OSBPL9: variants seen among roughly 807,000 people sequenced by gnomAD.
OSBPL9 encodes the protein oxysterol-binding protein-related protein 9.
A neutral mutation model predicts 106.6 loss-of-function variants in OSBPL9; 40 were observed. That is an observed-to-expected ratio of 0.38 (90% CI 0.29 to 0.49). The LOEUF (loss-of-function observed/expected upper bound fraction) is 0.49, where lower values mean the gene tolerates loss of function less well. OSBPL9 is among the 20% of genes least tolerant of loss of function. The pLI is 0.97. For missense variants in OSBPL9, 609 were observed against 887.2 expected, an observed-to-expected ratio of 0.69 and a Z score of 3.98; for synonymous variants, 269 against 295.4, an observed-to-expected ratio of 0.91 and a Z score of 0.92.
At chr1:51,600,539 T>A (rs955116751) in intron 2 of OSBPL9, among the ~76,000 whole-genome samples, 1 of 152,194 alleles carries the variant, frequency 6.6e-6, no homozygotes, top group Non-Finnish European at 1.5e-5. Flanking sequence ...TTTTTTCTTC[T>A]GGTTTTAAAA....
At chr1:51,594,616 T>C (rs978259475) in intron 1 of OSBPL9, among the ~76,000 whole-genome samples, 1 of 152,148 alleles carries the variant, frequency 6.6e-6, no homozygotes. Flanking sequence ...AATTTAACAC[T>C]CTGAACAATC....
chr1:51,678,217 T>A (rs923959243), intron 3 of OSBPL9, among the ~76,000 whole-genome samples: 3 of 152,034 alleles, frequency 2.0e-5, no homozygotes, highest in East Asian at 3.9e-4. Flanking sequence ...ATGAAATTGG[T>A]TTACAAATTT....
chr1:51,541,434 A>G, the OSBPL9 span, among the ~76,000 whole-genome samples: 2 of 152,158 alleles, frequency 1.3e-5, no homozygotes, highest in Non-Finnish European at 2.9e-5. Flanking sequence ...CTCTCTTTAC[A>G]TCCTGTTAGT....
chr1:51,784,404 T>TA (rs1210069001), intron 19 of OSBPL9, 38 bp from the exon 20 acceptor site: 3 of 1,612,220 alleles, frequency 1.9e-6, no homozygotes, highest in Non-Finnish European at 2.5e-6. Flanking sequence ...CTCTTCCTCT[T>TA]AACTGTCAAC....
Position 51,750,290 on chromosome 1 carries a change from A to C in OSBPL9, c.543+95A>C. 7 of 769,072 alleles carry C rather than the reference A, an allele frequency of 9.1e-6. No homozygotes were observed. In the South Asian group the frequency reaches 1.2e-4, roughly 13 times the overall value. 47.6% of individuals were successfully genotyped at this position (769,072 alleles called of 1,614,324 possible). Reference sequence around the variant, plus strand: ...TAGCAAAAAAACTCAGATCTGAAACATAGTACCTTTCTACATTAAACTGTA... The same window carrying C: ...TAGCAAAAAAACTCAGATCTGAAACCTAGTACCTTTCTACATTAAACTGTA... On this transcript the variant is annotated intron_variant, in intron 8 of 23. Transcript: ENST00000428468.
At chr1:51,723,195 G>C (rs1397154563) in intron 4 of OSBPL9, among the ~76,000 whole-genome samples, 2 of 152,124 alleles carry the variant, frequency 1.3e-5, no homozygotes, top group African/African-American at 4.8e-5. Context: ...GTCCACTCTT[G>C]GTGTTGTGTA....
the OSBPL9 span, among the ~76,000 whole-genome samples, chr1:51,562,279 G>A: frequency 1.3e-5 from 2 of 151,958 alleles, no homozygotes; most frequent in Non-Finnish European, 2.9e-5. Context: ...CATGATATCT[G>A]GTTACTTTTA....
chr1:51,648,259 C>T (rs2148695784), intron 1 of OSBPL9, among the ~76,000 whole-genome samples: 1 of 152,306 alleles, frequency 6.6e-6, no homozygotes, highest in South Asian at 2.1e-4. Flanking sequence ...TGGTGAATGG[C>T]ATTGGCTTAG....
At chr1:51,569,954 A>C in the OSBPL9 span, among the ~76,000 whole-genome samples, 1 of 152,202 alleles carries the variant, frequency 6.6e-6, no homozygotes, top group Non-Finnish European at 1.5e-5. Context: ...AGTCATAAGG[A>C]GGTGAGTCAC....
chr1:51,562,969 G>A, the OSBPL9 span, among the ~76,000 whole-genome samples: 326 of 152,244 alleles, frequency 2.1e-3, no homozygotes, highest in Non-Finnish European at 3.9e-3. Context: ...AGCACTTTGG[G>A]AGGCAAAGGC....
At chr1:51,741,248 A>G (rs1224559210) in intron 4 of OSBPL9, among the ~76,000 whole-genome samples, 2 of 152,124 alleles carry the variant, frequency 1.3e-5, no homozygotes, top group African/African-American at 4.8e-5. Flanking sequence ...TTCCCCTTAA[A>G]TTGGCCCAGA....
At chr1:51,740,290 T>C in intron 4 of OSBPL9, 1 of 1,385,662 alleles carries the variant, frequency 7.2e-7, no homozygotes, top group Non-Finnish European at 9.4e-7. Flanking sequence ...TCATCTCAAA[T>C]TGCTAATTGT....
intron 1 of OSBPL9, among the ~76,000 whole-genome samples, chr1:51,589,386 G>A (rs1645262204): frequency 6.6e-6 from 1 of 152,128 alleles, no homozygotes; most frequent in Non-Finnish European, 1.5e-5. Context: ...ACCACGCCTG[G>A]CCTACATTTT....
intron 1 of OSBPL9, among the ~76,000 whole-genome samples, chr1:51,648,137 G>C (rs1646286585): frequency 6.6e-6 from 1 of 152,124 alleles, no homozygotes; most frequent in South Asian, 2.1e-4. Flanking sequence ...TTGTTAGCAG[G>C]TTTCAGAACA....
rs1189070371 is a variant in OSBPL9 at position 51,774,471 on chromosome 1, T to G, written c.1170+1748T>G. On this transcript the variant is annotated intron_variant, in intron 14 of 23. Coordinates refer to ENST00000428468, the MANE Select transcript of OSBPL9 (RefSeq NM_024586.6). ...TCCAAAGTATTGTTACAATAATGCC[T>G]TAAATTTGTGTCTTTTATAAGAATG... is the stretch of plus-strand genomic sequence containing the variant. 1.3e-5 allele frequency among the ~76,000 whole-genome samples: 2 copies of G among 152,250 alleles called. 1 individual carries two copies. Among genetic ancestry groups the G allele is most frequent in the Non-Finnish European group, 2.9e-5 (2 of 68,048 alleles).
At chr1:51,692,443 A>G (rs1334429576) in intron 3 of OSBPL9, among the ~76,000 whole-genome samples, 10 of 152,210 alleles carry the variant, frequency 6.6e-5, no homozygotes, top group Non-Finnish European at 1.5e-5. Context: ...ATACTTTTTT[A>G]TGACTGGCAG....
intron 1 of OSBPL9, chr1:51,594,831 C>G (rs1645292116): frequency 6.6e-6 from 1 of 152,278 alleles, no homozygotes; most frequent in Non-Finnish European, 1.5e-5. Flanking sequence ...GGAGTCTGTT[C>G]TATAGTCGCT....
chr1:51,623,577 G>A (rs533913690), intron 1 of OSBPL9, among the ~76,000 whole-genome samples: 9 of 152,172 alleles, frequency 5.9e-5, no homozygotes, highest in Non-Finnish European at 1.0e-4. Flanking sequence ...AAAAGGAGTC[G>A]TTAGAGAAAT....
intron 15 of OSBPL9, 116 bp downstream of exon 15, chr1:51,777,034 T>C: frequency 1.2e-6 from 1 of 824,946 alleles, no homozygotes; most frequent in South Asian, 1.6e-5. Flanking sequence ...TTCTGGGTAT[T>C]CTGTGGTATT....
Sources: gnomAD v4.1 joint callset for allele counts (sites outside exome capture counted in the v4.1 genomes callset) on GRCh38, gnomAD v4.1.1 for gene constraint, MANE v1.5 for transcripts, NCBI Gene and HGNC (gene_info 2026-07-23, HGNC 2026-07-21) for gene names.